Variants in COG3 observed in about 807,000 individuals in gnomAD.
COG3 encodes conserved oligomeric Golgi complex subunit 3.
COG3 carries 32 observed loss-of-function variants against 114.1 expected under a neutral mutation model. That is an observed-to-expected ratio of 0.28 (90% CI 0.21 to 0.38). The LOEUF (loss-of-function observed/expected upper bound fraction) is 0.38. Among genes scored for constraint, COG3 ranks in the 10% least tolerant of loss-of-function variants. The pLI, the probability that COG3 is intolerant of heterozygous loss-of-function variation, is 1.00. For synonymous variants in COG3, 352 were observed against 365.7 expected, an observed-to-expected ratio of 0.96 and a Z score of 0.43; for missense variants, 813 against 973.2, an observed-to-expected ratio of 0.84 and a Z score of 2.19.
intron 20 of COG3, among the ~76,000 whole-genome samples, chr13:45,528,249 T>G (rs528016245): frequency 2.2e-4 from 34 of 152,274 alleles, no homozygotes; most frequent in Admixed American, 5.9e-4. Flanking sequence ...TGATCTAGGG[T>G]GGGCACGTTA....
At chr13:45,478,336 C>T (rs548159171) in intron 2 of COG3, among the ~76,000 whole-genome samples, 1 of 151,528 alleles carries the variant, frequency 6.6e-6, no homozygotes, top group Non-Finnish European at 1.5e-5. Flanking sequence ...GGACTACAGG[C>T]GCCCGGCTTA....
chr13:45,503,364 C>A lies in COG3; in HGVS notation c.1594+15C>A. The stretch of plus-strand genomic sequence containing the variant: ...GACAAAATCTGGTATGTTATGATGT[C>A]TTAACTGCCAGCATTTATTCATTTG... On this transcript the variant is annotated intron_variant, in intron 14 of 22. Transcript: ENST00000349995. The A allele has an allele frequency of 7.9e-7, 1 of 1,262,138 alleles. No homozygotes were observed. Among genetic ancestry groups the A allele is most frequent in the Non-Finnish European group, 1.2e-6 (1 of 860,798 alleles). 78.2% of individuals were successfully genotyped at this position (1,262,138 alleles called of 1,614,324 possible).
At chr13:45,476,128 GA>G in intron 1 of COG3, 72 bp from the exon 2 acceptor site, 1 of 1,441,092 alleles carries the variant, frequency 6.9e-7, no homozygotes, top group Non-Finnish European at 9.7e-7. Flanking sequence ...AACTGAGATG[GA>G]AACCCAATCT....
intron 13 of COG3, among the ~76,000 whole-genome samples, chr13:45,501,217 C>T (rs779872552): frequency 3.9e-5 from 6 of 152,206 alleles, no homozygotes; most frequent in Non-Finnish European, 8.8e-5. Context: ...GGGTTGTGCT[C>T]TACCTTTTTT....
intron 22 of COG3, among the ~76,000 whole-genome samples, chr13:45,533,036 G>C (rs1045769928): frequency 6.6e-6 from 1 of 152,060 alleles, no homozygotes; most frequent in Non-Finnish European, 1.5e-5. Flanking sequence ...GGTAACAGGA[G>C]GAGGCCGAGT....
intron 20 of COG3, among the ~76,000 whole-genome samples, chr13:45,527,403 C>T (rs1872790912): frequency 6.6e-6 from 1 of 152,220 alleles, no homozygotes; most frequent in Admixed American, 6.5e-5. Context: ...GTTGTATCTT[C>T]TATCCCATTT....
intron 13 of COG3, among the ~76,000 whole-genome samples, chr13:45,497,980 A>G (rs1869033536): frequency 6.6e-6 from 1 of 152,216 alleles, no homozygotes; most frequent in African/African-American, 2.4e-5. Flanking sequence ...TTAAAAAGAA[A>G]CTTTCAGTAG....
chr13:45,501,292 G>A (rs2057615), intron 13 of COG3, among the ~76,000 whole-genome samples: 131,628 of 152,168 alleles, frequency 0.87, 57,098 homozygotes, highest in Admixed American at 0.91. Context: ...TCTTTTTCCA[G>A]TTTGTTGATT....
chr13:45,474,635 T>C (rs747254108), intron 1 of COG3, among the ~76,000 whole-genome samples: 1 of 152,238 alleles, frequency 6.6e-6, no homozygotes, highest in Non-Finnish European at 1.5e-5. Flanking sequence ...TACTGTACCA[T>C]AAATATAGCC....
At chr13:45,501,683 G>A (rs1044713575) in intron 13 of COG3, among the ~76,000 whole-genome samples, 9 of 152,128 alleles carry the variant, frequency 5.9e-5, no homozygotes, top group Non-Finnish European at 1.3e-4. Context: ...TGCTACAGGG[G>A]TATTGTTGCT....
chr13:45,493,391 G>A lies in COG3; in HGVS notation c.1232G>A (p.Arg411Lys). 1 of 1,613,304 alleles carries A rather than the reference G, an allele frequency of 6.2e-7. No individual in the cohort carries two copies. Among genetic ancestry groups the A allele is most frequent in the Non-Finnish European group, 8.5e-7 (1 of 1,179,500 alleles). ...KLCVSLYDVF[R>K]PLIIHVIHLE... ...TGTGTGTCATTGTATGATGTCTTCA[G>A]GCCATTGATCATTCATGTTATTCAC... Residue 411 changes from arginine (R) to lysine (K), a missense_variant, in exon 12 of 23, where the codon AGG becomes AAG. Transcript: ENST00000349995.
chr13:45,513,951 G>C (rs1231825704), intron 16 of COG3, among the ~76,000 whole-genome samples: 1 of 152,010 alleles, frequency 6.6e-6, no homozygotes, highest in Non-Finnish European at 1.5e-5. Flanking sequence ...AGATAATATG[G>C]TATGACTATG....
chr13:45,496,969 G>A (rs1408056935), intron 13 of COG3, among the ~76,000 whole-genome samples: 1 of 152,148 alleles, frequency 6.6e-6, no homozygotes, highest in Non-Finnish European at 1.5e-5. Context: ...CACCGCACCC[G>A]GCCCCTTCAA....
chr13:45,480,918 A>C lies in COG3; in HGVS notation c.550-312A>C, dbSNP rs111938435. 1.2e-4 allele frequency among the ~76,000 whole-genome samples: 18 copies of C among 152,348 alleles called. No homozygotes were observed. The East Asian group carries it at 3.3e-3, about 28-fold the overall frequency. On this transcript the variant is annotated intron_variant, in intron 4 of 22. Coordinates refer to ENST00000349995, the MANE Select transcript of COG3 (RefSeq NM_031431.4). ...ATTGTACCAATGGTGAGATTTTGAA[A>C]AGATCAACTGATTGATTACTTTTGA...
chr13:45,485,002 T>C, intron 7 of COG3, among the ~76,000 whole-genome samples: 1 of 140,304 alleles, frequency 7.1e-6, no homozygotes, highest in African/African-American at 2.6e-5. Context: ...GTCTACTTCC[T>C]TCCACACAGA....
Position 45,534,732 on chromosome 13 carries a change from G to A in COG3, c.*1G>A, listed in dbSNP as rs1416722590. 2.6e-5 allele frequency: 41 copies of A among 1,561,696 alleles called. No individual in the cohort carries two copies. The highest frequency in any genetic ancestry group is 3.3e-5 in the Non-Finnish European group (38 of 1,152,354). On this transcript the variant is annotated 3_prime_UTR_variant, in exon 23 of 23. Transcript: ENST00000349995. ...CCTTCTGCTGTTGGTTTCTAAATAA[G>A]CAGGCCAGCCGGGCTGTGCACCTAA...
At chr13:45,466,920 A>T (rs1413521405) in intron 1 of COG3, among the ~76,000 whole-genome samples, 1 of 152,208 alleles carries the variant, frequency 6.6e-6, no homozygotes, top group Non-Finnish European at 1.5e-5. Flanking sequence ...AGATAGAAAG[A>T]TAAATAGGAA....
chr13:45,535,687 G>A lies in COG3; in HGVS notation c.*956G>A, dbSNP rs1873505733. The A allele has an allele frequency of 5.1e-6, 5 of 985,680 alleles. No individual in the cohort carries two copies. The South Asian group carries it at 2.3e-4, about 46-fold the overall frequency. The allele number at this position is 985,680 out of a possible 1,614,324, so 61.1% of individuals were successfully genotyped here. A position where few individuals can be genotyped will look rare whatever the true frequency, so the allele number is the denominator to read the frequency against. On this transcript the variant is annotated 3_prime_UTR_variant, in exon 23 of 23. Coordinates refer to ENST00000349995, the MANE Select transcript of COG3 (RefSeq NM_031431.4). ...TGCTGTGCTGTGGACCAGCTGTGTG[G>A]ATCTCTAGCCCAGCTACAGCAGAAT...
rs1485378787 is a variant in COG3 at position 45,529,885 on chromosome 13, A to G, written c.2325A>G (p.Lys775=). Residue 775 remains lysine (K), a synonymous_variant, in exon 21 of 23, where the codon AAA becomes AAG. Transcript: ENST00000349995. The stretch of plus-strand genomic sequence containing the variant: ...GTATGTCCTTGTACCTATCCAATAA[A>G]GATACCGAGTTCATCTTGTTTAAAC... The part of the protein sequence containing the change: ...LRSMSLYLSN[K]DTEFILFKPV... 1.2e-6 allele frequency: 2 copies of G among 1,612,188 alleles called. No homozygotes were observed. The highest frequency in any genetic ancestry group is 1.7e-6 in the Non-Finnish European group (2 of 1,179,350).
Sources: gnomAD v4.1 joint callset for allele counts (sites outside exome capture counted in the v4.1 genomes callset) on GRCh38, gnomAD v4.1.1 for gene constraint, MANE v1.5 for transcripts, NCBI Gene and HGNC (gene_info 2026-07-23, HGNC 2026-07-21) for gene names.